Variants in RBFOX1 observed in about 807,000 individuals in gnomAD.
RBFOX1 encodes the protein RNA binding protein fox-1 homolog 1.
In RBFOX1, 8 loss-of-function variants were observed where a neutral mutation model predicts 57.7. The observed-to-expected ratio is 0.14, with a 90% CI of 0.08 to 0.25. RBFOX1 has a LOEUF of 0.25. Ranked by LOEUF, RBFOX1 falls within the 10% of genes least tolerant of loss-of-function variation. The pLI, the probability that RBFOX1 is intolerant of heterozygous loss-of-function variation, is 1.00. For missense variants in RBFOX1, 611 were observed against 548.5 expected (o/e 1.11, Z -1.14); for synonymous variants, 326 against 222.4 (o/e 1.47, Z -4.15).
chr16:5,310,338 T>A (rs1204384789), intron 1 of RBFOX1, among the ~76,000 whole-genome samples: 1 of 151,722 alleles, frequency 6.6e-6, no homozygotes, highest in Non-Finnish European at 1.5e-5. Context: ...GAGGAGGAGG[T>A]TGCAGTGAGC....
intron 10 of RBFOX1, among the ~76,000 whole-genome samples, chr16:7,611,165 C>A (rs890590676): frequency 6.6e-6 from 1 of 152,180 alleles, no homozygotes; most frequent in African/African-American, 2.4e-5. Context: ...CGTTGTCTCT[C>A]AGAATGAGGC....
intron 3 of RBFOX1, among the ~76,000 whole-genome samples, chr16:6,983,430 G>C (rs1281571715): frequency 2.0e-5 from 3 of 150,794 alleles, no homozygotes; most frequent in Admixed American, 6.6e-5. Context: ...TGCTGCTTCT[G>C]GTCCGCCGAC....
intron 3 of RBFOX1, among the ~76,000 whole-genome samples, chr16:7,034,466 G>A (rs979125507): frequency 6.6e-6 from 1 of 152,088 alleles, no homozygotes; most frequent in Non-Finnish European, 1.5e-5. Flanking sequence ...TCCTTGCTGG[G>A]CTCCAGCTGG....
In RBFOX1 at chr16:5,805,100, TA is replaced by T. The variant is rs576559908; in HGVS notation, c.319-62199del. Among the ~76,000 whole-genome samples, 21 of 152,132 alleles carry T rather than the reference TA, an allele frequency of 1.4e-4. No individual in the cohort carries two copies. The South Asian group carries it at 4.2e-3, about 30-fold the overall frequency. On this transcript the variant is annotated intron_variant, in intron 3 of 19. Coordinates refer to the RBFOX1 transcript ENST00000641259. ...AAGGTGATCTAGTGTGGATTTGGGC[TA>T]AAAGCTGGGAAGGGGGCAGTTTGGT... is the stretch of plus-strand genomic sequence containing the variant.
intron 1 of RBFOX1, among the ~76,000 whole-genome samples, chr16:5,417,087 C>T (rs1162619550): frequency 1.3e-5 from 2 of 152,176 alleles, no homozygotes; most frequent in East Asian, 3.8e-4. Flanking sequence ...GTCTCACAGC[C>T]CTTCTTCATT....
At chr16:5,394,836 C>T (rs564084195) in intron 1 of RBFOX1, among the ~76,000 whole-genome samples, 8 of 152,256 alleles carry the variant, frequency 5.3e-5, no homozygotes, top group South Asian at 4.2e-4. Flanking sequence ...AGGTTTGAGC[C>T]GCTATGCCTG....
chr16:5,752,749 G>A (rs1184692866), intron 3 of RBFOX1, among the ~76,000 whole-genome samples: 3 of 152,150 alleles, frequency 2.0e-5, no homozygotes, highest in Non-Finnish European at 4.4e-5. Context: ...GAGTAATTTT[G>A]CCAAGCCTGG....
chr16:5,343,424 C>T (rs916844802), intron 1 of RBFOX1, among the ~76,000 whole-genome samples: 13 of 150,900 alleles, frequency 8.6e-5, no homozygotes, highest in Non-Finnish European at 5.9e-5. Flanking sequence ...ACACCATTCT[C>T]CTGCCTCAGC....
intron 3 of RBFOX1, among the ~76,000 whole-genome samples, chr16:5,692,084 T>G (rs2050699088): frequency 6.6e-6 from 1 of 152,090 alleles, no homozygotes; most frequent in African/African-American, 2.4e-5. Flanking sequence ...GTTATTGATT[T>G]GAAGGTTATG....
At chr16:5,524,865 G>A (rs531468137) in intron 2 of RBFOX1, among the ~76,000 whole-genome samples, 2 of 151,896 alleles carry the variant, frequency 1.3e-5, no homozygotes, top group East Asian at 1.9e-4. Flanking sequence ...TGATTTAAAC[G>A]CTTGTGCTAC....
intron 2 of RBFOX1, among the ~76,000 whole-genome samples, chr16:6,535,376 C>A (rs926553766): frequency 6.6e-6 from 1 of 152,092 alleles, no homozygotes; most frequent in Non-Finnish European, 1.5e-5. Context: ...TTGTCATGGA[C>A]GAAGATTCAC....
At chr16:7,275,558 G>A (rs2095424390) in intron 4 of RBFOX1, among the ~76,000 whole-genome samples, 1 of 152,096 alleles carries the variant, frequency 6.6e-6, no homozygotes, top group African/African-American at 2.4e-5. Flanking sequence ...CTAATTGCTG[G>A]ACTTCTTTAG....
chr16:5,911,703 C>T (rs1027925619), intron 4 of RBFOX1, among the ~76,000 whole-genome samples: 3 of 152,142 alleles, frequency 2.0e-5, no homozygotes, highest in African/African-American at 7.2e-5. Context: ...CTGGGAAGTC[C>T]AGGATGAAGG....
chr16:5,541,477 G>T (rs1163292672), intron 2 of RBFOX1, among the ~76,000 whole-genome samples: 1 of 152,110 alleles, frequency 6.6e-6, no homozygotes, highest in Non-Finnish European at 1.5e-5. Flanking sequence ...CTTCTGGAAA[G>T]GCAGGACAAC....
intron 2 of RBFOX1, among the ~76,000 whole-genome samples, chr16:5,587,101 A>C (rs2046859010): frequency 1.3e-5 from 2 of 152,294 alleles, no homozygotes; most frequent in Admixed American, 1.3e-4. Flanking sequence ...TTGGTTATGC[A>C]CCTGAAACTG....
In RBFOX1 at chr16:6,354,427, C is replaced by G. The variant is rs149932024; in HGVS notation, c.-64+37370C>G. 7.4e-3 allele frequency among the ~76,000 whole-genome samples: 1,125 copies of G among 152,288 alleles called. 16 individuals are homozygous for G. Among genetic ancestry groups the G allele is most frequent in the African/African-American group, 0.026 (1,064 of 41,566 alleles). On this transcript the variant is annotated intron_variant, in intron 2 of 15. Transcript: ENST00000550418. ...GCTTCCACTCTGAGTCTGCACCAGT[C>G]TCTTCTCCACACAGCAGCGAAACCA... is the stretch of plus-strand genomic sequence containing the variant.
intron 3 of RBFOX1, among the ~76,000 whole-genome samples, chr16:6,806,836 A>ATATATATATATATATTTTTT (rs754342591): frequency 1.1e-5 from 1 of 91,904 alleles, no homozygotes; most frequent in Non-Finnish European, 2.1e-5. Context: ...ATATATATAT[A>ATATATATATATATATTTTTT]TTTTTTTTTT....
At chr16:5,800,980 C>T (rs1758370730) in intron 3 of RBFOX1, among the ~76,000 whole-genome samples, 1 of 152,144 alleles carries the variant, frequency 6.6e-6, no homozygotes, top group South Asian at 2.1e-4. Flanking sequence ...AAGAGGCAGG[C>T]TTAAGTGCAA....
At chr16:6,980,917 C>A (rs942763213) in intron 3 of RBFOX1, among the ~76,000 whole-genome samples, 1 of 151,704 alleles carries the variant, frequency 6.6e-6, no homozygotes, top group Middle Eastern at 3.4e-3. Flanking sequence ...GTGGTGTGTG[C>A]TTGTAATCCC....
Sources: allele counts gnomAD v4.1 joint callset (sites outside exome capture counted in the v4.1 genomes callset), GRCh38; gene constraint gnomAD v4.1.1; transcripts MANE v1.5; gene names NCBI Gene and HGNC (gene_info 2026-07-23, HGNC 2026-07-21).